Variants in PPARGC1A observed in about 807,000 individuals in gnomAD.
PPARGC1A encodes PPARG coactivator 1 alpha, also known as peroxisome proliferator-activated receptor gamma coactivator 1-alpha.
In PPARGC1A, 25 loss-of-function variants were observed where a neutral mutation model predicts 88.7. The ratio of observed to expected loss-of-function variants is 0.28; its 90% CI spans 0.21 to 0.39. PPARGC1A has a LOEUF of 0.39. Among genes scored for constraint, PPARGC1A ranks in the 10% least tolerant of loss-of-function variants. The pLI is 1.00. For synonymous variants in PPARGC1A, 363 were observed against 355.6 expected (o/e 1.02, Z -0.24); for missense variants, 880 against 968.7 (o/e 0.91, Z 1.22).
the PPARGC1A span, among the ~76,000 whole-genome samples, chr4:24,438,362 A>G: frequency 6.6e-6 from 1 of 152,214 alleles, no homozygotes; most frequent in Non-Finnish European, 1.5e-5. Flanking sequence ...AGGCGAGGGT[A>G]TGATACTAGA....
the PPARGC1A span, among the ~76,000 whole-genome samples, chr4:24,109,979 GGGA>G: frequency 6.6e-5 from 10 of 152,134 alleles, no homozygotes; most frequent in African/African-American, 2.4e-4. Flanking sequence ...GAGGCATGAG[GGGA>G]GGAGGAACCC....
chr4:24,437,337 G>C, the PPARGC1A span, among the ~76,000 whole-genome samples: 1 of 152,194 alleles, frequency 6.6e-6, no homozygotes, highest in Admixed American at 6.5e-5. Flanking sequence ...GGGGTGGTCA[G>C]GGAGGTGCTC....
chr4:24,068,911 C>T, the PPARGC1A span, among the ~76,000 whole-genome samples: 5 of 152,108 alleles, frequency 3.3e-5, no homozygotes, highest in African/African-American at 4.8e-5. Flanking sequence ...GTGATGGATC[C>T]ACTAATACCA....
chr4:24,195,007 C>T, the PPARGC1A span, among the ~76,000 whole-genome samples: 3 of 152,268 alleles, frequency 2.0e-5, no homozygotes, highest in African/African-American at 4.8e-5. Context: ...CATGGTCATA[C>T]TGTACAATCA....
chr4:23,831,461 G>T, intron 3 of PPARGC1A, 96 bp downstream of exon 3: 2 of 1,141,330 alleles, frequency 1.8e-6, no homozygotes, highest in Non-Finnish European at 2.5e-6. Context: ...CATTCTAAAT[G>T]AAAAAATCCA....
chr4:23,861,390 A>G (rs1334947970), intron 2 of PPARGC1A, among the ~76,000 whole-genome samples: 3 of 152,336 alleles, frequency 2.0e-5, no homozygotes, highest in South Asian at 2.1e-4. Flanking sequence ...AATATTTCCA[A>G]TTTGGTTTAG....
chr4:24,059,696 A>G, the PPARGC1A span, among the ~76,000 whole-genome samples: 7 of 152,162 alleles, frequency 4.6e-5, no homozygotes, highest in African/African-American at 1.7e-4. Context: ...GAGCAAATAA[A>G]TGTCATCAGT....
the PPARGC1A span, among the ~76,000 whole-genome samples, chr4:24,437,063 A>C: frequency 0.58 from 87,778 of 152,076 alleles, 28,584 homozygotes; most frequent in East Asian, 0.71. Flanking sequence ...GTGAAACTCC[A>C]AACCTGAAAG....
the PPARGC1A span, among the ~76,000 whole-genome samples, chr4:24,243,465 C>T: frequency 1.3e-5 from 2 of 152,122 alleles, no homozygotes; most frequent in African/African-American, 4.8e-5. Context: ...TCATTCATTT[C>T]CTTTCCTACC....
chr4:24,379,088 C>T, the PPARGC1A span, among the ~76,000 whole-genome samples: 3 of 152,000 alleles, frequency 2.0e-5, no homozygotes, highest in Non-Finnish European at 4.4e-5. Flanking sequence ...AAAGGTTATT[C>T]AACAAAGCTT....
chr4:24,451,803 C>T, the PPARGC1A span, among the ~76,000 whole-genome samples: 1 of 152,180 alleles, frequency 6.6e-6, no homozygotes, highest in Non-Finnish European at 1.5e-5. Context: ...ATCTCGATCT[C>T]TTGACCTCGC....
chr4:24,213,248 G>A, the PPARGC1A span, among the ~76,000 whole-genome samples: 1 of 147,768 alleles, frequency 6.8e-6, no homozygotes, highest in African/African-American at 2.5e-5. Context: ...CTCACTGCAA[G>A]TTCCGCCTCC....
At chr4:24,284,038 T>G in the PPARGC1A span, among the ~76,000 whole-genome samples, 1 of 150,718 alleles carries the variant, frequency 6.6e-6, no homozygotes, top group Non-Finnish European at 1.5e-5. Context: ...CCAGCAGCAC[T>G]CTGGGAGGCT....
At chr4:24,457,728 T>G in the PPARGC1A span, among the ~76,000 whole-genome samples, 1 of 151,866 alleles carries the variant, frequency 6.6e-6, no homozygotes, top group African/African-American at 2.4e-5. Flanking sequence ...ATTTATTTAT[T>G]TATTTATTTA....
At chr4:24,033,836 G>A in the PPARGC1A span, among the ~76,000 whole-genome samples, 7 of 152,162 alleles carry the variant, frequency 4.6e-5, no homozygotes, top group African/African-American at 9.7e-5. Flanking sequence ...GGCGGGCTGC[G>A]TGGAGCCGGT....
chr4:23,800,971 T>TC (rs1466248008), intron 12 of PPARGC1A, among the ~76,000 whole-genome samples: 5 of 151,102 alleles, frequency 3.3e-5, no homozygotes, highest in Admixed American at 2.0e-4. Context: ...TTCTTTCTTT[T>TC]TTTTTTTTTT....
chr4:24,199,205 CT>C, the PPARGC1A span, among the ~76,000 whole-genome samples: 1 of 152,116 alleles, frequency 6.6e-6, no homozygotes, highest in South Asian at 2.1e-4. Context: ...TAGAAGAGTA[CT>C]TGGCAGGTTT....
At chr4:24,360,207 G>A in the PPARGC1A span, among the ~76,000 whole-genome samples, 14 of 152,222 alleles carry the variant, frequency 9.2e-5, no homozygotes, top group South Asian at 2.1e-4. Context: ...ACCACCACCC[G>A]TAGCCCACCA....
chr4:24,244,735 G>A, the PPARGC1A span, among the ~76,000 whole-genome samples: 4 of 152,298 alleles, frequency 2.6e-5, no homozygotes, highest in African/African-American at 9.6e-5. Flanking sequence ...CTAGTGAATA[G>A]AGGATGCCCC....
Sources: allele counts gnomAD v4.1 joint callset (sites outside exome capture counted in the v4.1 genomes callset), GRCh38; gene constraint gnomAD v4.1.1; transcripts MANE v1.5; gene names NCBI Gene and HGNC (gene_info 2026-07-23, HGNC 2026-07-21).